Variants in LUZP2 observed in about 807,000 individuals in gnomAD.
LUZP2 encodes the protein leucine zipper protein 2.
In LUZP2, 52 loss-of-function variants were observed where a neutral mutation model predicts 51.6. The ratio of observed to expected loss-of-function variants is 1.01; its 90% CI spans 0.81 to 1.27. The LOEUF (loss-of-function observed/expected upper bound fraction) is 1.27, where lower values mean the gene tolerates loss of function less well. Among genes scored for constraint, LUZP2 ranks in the 50% most tolerant of loss-of-function variants. LUZP2 has a pLI of 0.00. For synonymous variants in LUZP2, 154 were observed against 137.3 expected (o/e 1.12, Z -0.85); for missense variants, 436 against 395.4 (o/e 1.10, Z -0.87).
At chr11:25,026,988 C>G (rs1048098557) in intron 9 of LUZP2, among the ~76,000 whole-genome samples, 2 of 151,418 alleles carry the variant, frequency 1.3e-5, no homozygotes, top group African/African-American at 4.9e-5. Flanking sequence ...TAAACATTTG[C>G]CTGTGTTCTT....
At position 24,976,574 on chromosome 11, in the gene LUZP2, T is replaced by A. The variant is rs375970890; in HGVS notation, c.523-17T>A. 1 of 1,558,450 alleles carries A rather than the reference T, an allele frequency of 6.4e-7. No individual in the cohort carries two copies. Among genetic ancestry groups the A allele is most frequent in the African/African-American group, 1.4e-5 (1 of 71,180 alleles). On this transcript the variant is annotated splice_polypyrimidine_tract_variant and intron_variant, in intron 7 of 11. Coordinates refer to ENST00000336930, the MANE Select transcript of LUZP2 (RefSeq NM_001009909.4). ...AATTGCAGAATTTATCTAGAAGATTTATCTCTTATTTTACAGGCGCAGCAG... is the reference window on the plus strand; with the variant it reads ...AATTGCAGAATTTATCTAGAAGATTAATCTCTTATTTTACAGGCGCAGCAG...
intron 7 of LUZP2, among the ~76,000 whole-genome samples, chr11:24,923,965 A>G (rs1274004721): frequency 1.3e-5 from 2 of 152,118 alleles, no homozygotes; most frequent in Non-Finnish European, 2.9e-5. Context: ...TACCTCGTTG[A>G]CTGTTATTCT....
chr11:24,499,746 C>G (rs1304310247), intron 1 of LUZP2, among the ~76,000 whole-genome samples: 1 of 151,192 alleles, frequency 6.6e-6, no homozygotes, highest in African/African-American at 2.4e-5. Flanking sequence ...GTAGGGAATG[C>G]AGAGCGGAGA....
At chr11:24,527,927 G>A (rs1850865169) in intron 1 of LUZP2, among the ~76,000 whole-genome samples, 2 of 151,236 alleles carry the variant, frequency 1.3e-5, no homozygotes, top group Non-Finnish European at 3.0e-5. Context: ...TAAAGCATTT[G>A]GTTTTGTGAC....
At chr11:24,771,361 T>A (rs1346097991) in intron 5 of LUZP2, among the ~76,000 whole-genome samples, 12 of 75,124 alleles carry the variant, frequency 1.6e-4, no homozygotes, top group Non-Finnish European at 4.0e-4. Flanking sequence ...TGTGCATGTA[T>A]GTTATAGTGT....
chr11:24,960,131 G>A (rs1279533721), intron 7 of LUZP2, among the ~76,000 whole-genome samples: 2 of 152,092 alleles, frequency 1.3e-5, no homozygotes, highest in African/African-American at 2.4e-5. Context: ...GCTTTTTGAT[G>A]TGCTGCTGGA....
intron 7 of LUZP2, among the ~76,000 whole-genome samples, chr11:24,927,859 C>G (rs567288567): frequency 6.6e-6 from 1 of 151,940 alleles, no homozygotes; most frequent in African/African-American, 2.4e-5. Flanking sequence ...TTGATTCTAC[C>G]CATCCATGAG....
At chr11:24,987,531 T>C (rs1856223344) in intron 9 of LUZP2, among the ~76,000 whole-genome samples, 1 of 151,966 alleles carries the variant, frequency 6.6e-6, no homozygotes, top group Admixed American at 6.6e-5. Flanking sequence ...TTCTTTTTCT[T>C]TTCAACTCAC....
intron 10 of LUZP2, among the ~76,000 whole-genome samples, chr11:25,070,895 C>T (rs1270095965): frequency 5.3e-5 from 8 of 151,414 alleles, no homozygotes; most frequent in African/African-American, 1.9e-4. Context: ...TCCTATTGCC[C>T]TTCAGTTCAC....
chr11:24,538,856 G>A (rs1003483146), intron 1 of LUZP2, among the ~76,000 whole-genome samples: 1 of 151,638 alleles, frequency 6.6e-6, no homozygotes. Flanking sequence ...ACATTCAAAG[G>A]ACATAACAAT....
chr11:24,781,237 A>G (rs1168353697), intron 5 of LUZP2, among the ~76,000 whole-genome samples: 1 of 152,066 alleles, frequency 6.6e-6, no homozygotes, highest in Non-Finnish European at 1.5e-5. Context: ...ATGGTGGTTT[A>G]CTTTCTACCT....
chr11:24,737,283 G>A (rs530436370), intron 3 of LUZP2, among the ~76,000 whole-genome samples: 1 of 152,088 alleles, frequency 6.6e-6, no homozygotes, highest in Non-Finnish European at 1.5e-5. Flanking sequence ...GAGTATGAGA[G>A]GGTGTGTCAC....
chr11:24,905,936 G>T, intron 5 of LUZP2, 55 bp from the exon 6 acceptor site: 1 of 1,267,726 alleles, frequency 7.9e-7, no homozygotes, highest in Non-Finnish European at 1.2e-6. Flanking sequence ...CATAGTTGAA[G>T]GAATTCTTAA....
chr11:24,982,604 G>A (rs1002691158), intron 8 of LUZP2, among the ~76,000 whole-genome samples: 1 of 151,762 alleles, frequency 6.6e-6, no homozygotes, highest in Non-Finnish European at 1.5e-5. Flanking sequence ...GTCTACTTGA[G>A]GGTGGAGGAT....
At chr11:24,944,071 T>G (rs1854835873) in intron 7 of LUZP2, among the ~76,000 whole-genome samples, 1 of 152,168 alleles carries the variant, frequency 6.6e-6, no homozygotes, top group South Asian at 2.1e-4. Flanking sequence ...TGATCACCTT[T>G]AATACAATAA....
chr11:24,777,912 A>G (rs1027088946), intron 5 of LUZP2, among the ~76,000 whole-genome samples: 17 of 107,700 alleles, frequency 1.6e-4, no homozygotes, highest in Admixed American at 1.4e-3. Flanking sequence ...TTAAAGTTAC[A>G]AGAAAAAAGT....
chr11:24,911,427 C>T (rs1035554212), intron 6 of LUZP2, among the ~76,000 whole-genome samples: 3 of 152,112 alleles, frequency 2.0e-5, no homozygotes, highest in Admixed American at 6.6e-5. Context: ...AAAGGAGGGT[C>T]CTGGTGGGAG....
intron 1 of LUZP2, among the ~76,000 whole-genome samples, chr11:24,661,466 G>A (rs1856019161): frequency 6.6e-6 from 1 of 152,064 alleles, no homozygotes. Context: ...CTGTTCAATG[G>A]GCTGCAGACA....
intron 1 of LUZP2, among the ~76,000 whole-genome samples, chr11:24,515,616 A>G (rs12798501): frequency 0.14 from 21,003 of 152,104 alleles, 2,429 homozygotes; most frequent in African/African-American, 0.32. Context: ...TGACTTTCCT[A>G]TGGGTTTCAA....
Sources: allele counts gnomAD v4.1 joint callset (sites outside exome capture counted in the v4.1 genomes callset), GRCh38; gene constraint gnomAD v4.1.1; transcripts MANE v1.5; gene names NCBI Gene and HGNC (gene_info 2026-07-23, HGNC 2026-07-21).